MYO1D: variants seen among roughly 807,000 people sequenced by gnomAD.
MYO1D encodes the protein myosin ID, also known as unconventional myosin-Id.
A neutral mutation model predicts 122.0 loss-of-function variants in MYO1D; 83 were observed. That is an observed-to-expected ratio of 0.68 (90% CI 0.57 to 0.82). MYO1D has a LOEUF of 0.82. Ranked by LOEUF, MYO1D falls within the 40% of genes least tolerant of loss-of-function variation. The pLI, the probability that MYO1D is intolerant of heterozygous loss-of-function variation, is 0.00. For missense variants in MYO1D, 1,157 were observed against 1,269.5 expected, an observed-to-expected ratio of 0.91 and a Z score of 1.35; for synonymous variants, 464 against 446.9, an observed-to-expected ratio of 1.04 and a Z score of -0.48.
At chr17:32,876,238 AG>A (rs1368377894) in intron 1 of MYO1D, among the ~76,000 whole-genome samples, 1 of 152,136 alleles carries the variant, frequency 6.6e-6, no homozygotes, top group East Asian at 1.9e-4. Flanking sequence ...ATCACTCCAT[AG>A]CATCCTGAAT....
chr17:32,630,617 G>A (rs1019561181), intron 20 of MYO1D, among the ~76,000 whole-genome samples: 1 of 151,892 alleles, frequency 6.6e-6, no homozygotes, highest in Non-Finnish European at 1.5e-5. Context: ...CTGTTGCCCA[G>A]GCTGGAGTGC....
At chr17:32,809,168 A>C (rs2090547694) in intron 1 of MYO1D, among the ~76,000 whole-genome samples, 1 of 149,138 alleles carries the variant, frequency 6.7e-6, no homozygotes, top group East Asian at 2.0e-4. Flanking sequence ...CCCATCCTGG[A>C]GTGCAGTTGT....
At chr17:32,502,335 T>C (rs1484494080) in intron 21 of MYO1D, among the ~76,000 whole-genome samples, 1 of 152,142 alleles carries the variant, frequency 6.6e-6, no homozygotes, top group Admixed American at 6.5e-5. Flanking sequence ...ATAACTACAT[T>C]TATATGAAAT....
At chr17:32,768,277 T>G (rs2151021225) in intron 6 of MYO1D, among the ~76,000 whole-genome samples, 1 of 152,338 alleles carries the variant, frequency 6.6e-6, no homozygotes, top group East Asian at 1.9e-4. Context: ...TAGTAAGCTA[T>G]TAAATAGTCT....
chr17:32,655,617 G>A (rs762954445), intron 17 of MYO1D, among the ~76,000 whole-genome samples: 7 of 152,312 alleles, frequency 4.6e-5, no homozygotes, highest in Middle Eastern at 3.4e-3. Flanking sequence ...TCCGGGATGT[G>A]AGCTTGCTTG....
intron 20 of MYO1D, among the ~76,000 whole-genome samples, chr17:32,607,783 CAA>C (rs1379641452): frequency 6.6e-6 from 1 of 151,212 alleles, no homozygotes; most frequent in Non-Finnish European, 1.5e-5. Context: ...CTAGGTTAAT[CAA>C]GACAATAATT....
At chr17:32,671,010 G>C (rs2088711043) in intron 16 of MYO1D, among the ~76,000 whole-genome samples, 1 of 152,218 alleles carries the variant, frequency 6.6e-6, no homozygotes, top group Non-Finnish European at 1.5e-5. Context: ...GAGAAGCAGT[G>C]GTGGTCCTGA....
intron 19 of MYO1D, among the ~76,000 whole-genome samples, chr17:32,646,645 A>T (rs2150945553): frequency 6.6e-6 from 1 of 152,278 alleles, no homozygotes; most frequent in Non-Finnish European, 1.5e-5. Context: ...TCCCGAGTTA[A>T]TCTAAAAACA....
At chr17:32,673,025 GGTTA>G (rs1230833490) in intron 16 of MYO1D, among the ~76,000 whole-genome samples, 1 of 139,522 alleles carries the variant, frequency 7.2e-6, no homozygotes, top group Non-Finnish European at 1.5e-5. Flanking sequence ...TCTCTTTATT[GGTTA>G]GTTAAGGCTT....
chr17:32,715,951 T>C (rs2089439435), intron 15 of MYO1D, among the ~76,000 whole-genome samples: 1 of 152,354 alleles, frequency 6.6e-6, no homozygotes, highest in South Asian at 2.1e-4. Flanking sequence ...TCTTTATTGC[T>C]TCAATTCAAA....
At chr17:32,765,812 G>A (rs1329539161) in intron 7 of MYO1D, among the ~76,000 whole-genome samples, 1 of 152,020 alleles carries the variant, frequency 6.6e-6, no homozygotes, top group African/African-American at 2.4e-5. Context: ...ATGGTATCAA[G>A]TAAGAATCTA....
At chr17:32,783,313 G>A (rs1234379279) in intron 1 of MYO1D, among the ~76,000 whole-genome samples, 1 of 152,072 alleles carries the variant, frequency 6.6e-6, no homozygotes, top group Non-Finnish European at 1.5e-5. Flanking sequence ...AATTTTTAGA[G>A]CCACTAATAG....
chr17:32,826,702 G>A lies in MYO1D; in HGVS notation c.96-45918C>T, dbSNP rs539315224. On this transcript the variant is annotated intron_variant, in intron 1 of 21. Coordinates refer to ENST00000318217, the MANE Select transcript of MYO1D (RefSeq NM_015194.3). ...ATAGGAGAAAATTTCTATCTGAATAGAAGACAAACTAGTACTAATAGCAAA... is the reference window on the plus strand; with the variant it reads ...ATAGGAGAAAATTTCTATCTGAATAAAAGACAAACTAGTACTAATAGCAAA... Among the ~76,000 whole-genome samples the A allele has an allele frequency of 3.3e-5, 5 of 152,260 alleles. No homozygotes were observed. In the East Asian group the frequency reaches 9.7e-4, roughly 29 times the overall value.
intron 16 of MYO1D, among the ~76,000 whole-genome samples, chr17:32,699,676 T>G (rs2089221110): frequency 6.6e-6 from 1 of 152,196 alleles, no homozygotes; most frequent in Admixed American, 6.5e-5. Flanking sequence ...CTTTAAAAAC[T>G]TCAACCAAAC....
intron 1 of MYO1D, among the ~76,000 whole-genome samples, chr17:32,861,436 CA>C (rs565060284): frequency 9.1e-4 from 138 of 152,164 alleles, no homozygotes; most frequent in African/African-American, 3.3e-3. Flanking sequence ...ACGAATGTGA[CA>C]AAAAACAAAC....
chr17:32,828,237 C>T (rs538516998), intron 1 of MYO1D, among the ~76,000 whole-genome samples: 1 of 152,232 alleles, frequency 6.6e-6, no homozygotes, highest in Admixed American at 6.5e-5. Context: ...AGACAGGAGG[C>T]CGGGCGCAGT....
In MYO1D at chr17:32,721,071, C is replaced by T. The variant is rs569558606; in HGVS notation, c.1865G>A (p.Arg622His). Residue 622 changes from arginine (R) to histidine (H), a missense_variant, in exon 15 of 22, where the codon CGT (arginine) becomes CAT (histidine). Arg to His is a conservative substitution (Grantham distance 29). Coordinates refer to ENST00000318217, the MANE Select transcript of MYO1D (RefSeq NM_015194.3). ...YLGLLENVRV[R>H]RAGFAFRQTY... ...CTGGCGGAAGGCAAATCCTGCCCGA[C>T]GCACTCTCACATTTTCCAGTAGTCC... 6.2e-6 allele frequency: 10 copies of T among 1,614,100 alleles called. No homozygotes were observed. The highest frequency in any genetic ancestry group is 1.3e-5 in the African/African-American group (1 of 75,022).
intron 16 of MYO1D, among the ~76,000 whole-genome samples, chr17:32,695,019 C>G (rs1945454497): frequency 6.6e-6 from 1 of 152,146 alleles, no homozygotes; most frequent in South Asian, 2.1e-4. Context: ...CTAAATATTT[C>G]TCACATTTTT....
chr17:32,778,675 A>T, intron 2 of MYO1D, 102 bp from the exon 3 acceptor site: 2 of 1,048,046 alleles, frequency 1.9e-6, no homozygotes, highest in Non-Finnish European at 2.8e-6. Context: ...TGATGCATTT[A>T]AAATCCCACA....
Sources: allele counts gnomAD v4.1 joint callset (sites outside exome capture counted in the v4.1 genomes callset), GRCh38; gene constraint gnomAD v4.1.1; transcripts MANE v1.5; gene names NCBI Gene and HGNC (gene_info 2026-07-23, HGNC 2026-07-21).